ATRX: variants seen among roughly 807,000 people sequenced by gnomAD.
ATRX encodes ATRX chromatin remodeler.
A neutral mutation model predicts 172.6 loss-of-function variants in ATRX; 12 were observed. That is an observed-to-expected ratio of 0.07 (90% CI 0.04 to 0.11). The LOEUF (loss-of-function observed/expected upper bound fraction) is 0.11, where lower values mean the gene tolerates loss of function less well. Ranked by LOEUF, ATRX falls within the 10% of genes least tolerant of loss-of-function variation. The pLI is 1.00. For missense variants in ATRX, 1,368 were observed against 1,767.4 expected, an observed-to-expected ratio of 0.77 and a Z score of 4.05; for synonymous variants, 674 against 594.7, an observed-to-expected ratio of 1.13 and a Z score of -1.94.
intron 15 of ATRX, among the ~76,000 whole-genome samples, chrX:77,651,262 C>T (rs1437387834): frequency 5.6e-5 from 5 of 89,397 alleles, no homozygotes; most frequent in Non-Finnish European, 8.6e-5. Context: ...AAACAAGACT[C>T]GTCCTGTGTT....
chrX:77,666,658 G>A (rs974647246), intron 10 of ATRX, among the ~76,000 whole-genome samples: 1 of 112,110 alleles, frequency 8.9e-6, no homozygotes, highest in Admixed American at 9.4e-5. Context: ...TCAGGTGTAC[G>A]AGACTAGCCT....
At chrX:77,700,511 A>G (rs1470742330) in intron 2 of ATRX, among the ~76,000 whole-genome samples, 1 of 112,365 alleles carries the variant, frequency 8.9e-6, no homozygotes. Flanking sequence ...GAAAACATAC[A>G]TCCACAAAAT....
In ATRX at chrX:77,507,161, A is replaced by T. The variant is rs1157951762; in HGVS notation, c.*1190T>A. On this transcript the variant is annotated 3_prime_UTR_variant, in exon 35 of 35. Transcript: ENST00000373344. ...GTATTGGATGAATTAATTTTGATTT[A>T]ATAATTGCCTCACAATCTAAACTAA... 17 of 172,989 alleles carry T rather than the reference A, an allele frequency of 9.8e-5. No individual in the cohort carries two copies. The East Asian group carries it at 1.4e-3, about 14-fold the overall frequency. The allele number at this position is 172,989 out of a possible 1,213,427, so 14.3% of individuals were successfully genotyped here.
chrX:77,684,223 C>A lies in ATRX; in HGVS notation c.1033G>T (p.Ala345Ser), dbSNP rs149249195. Residue 345 changes from alanine to serine, a missense_variant, in exon 9 of 35, where the codon GCA becomes TCA. Physicochemically the swap from Ala to Ser is moderately conservative, Grantham distance 99 (BLOSUM62 1). This residue lies in a region of ATRX where 843 missense variants were observed against 643.1 expected (regional missense o/e 1.31). Transcript: ENST00000373344. Reference sequence around the variant, plus strand: ...ATCATCTCTTTGGGCACAATTAGTGCGGAATAAGAGTAGGTTACAGAGCCA... The same window carrying A: ...ATCATCTCTTTGGGCACAATTAGTGAGGAATAAGAGTAGGTTACAGAGCCA... ...CSGSVTYSYS[A>S]LIVPKEMIKK... 1 of 1,210,827 alleles carries A rather than the reference C, an allele frequency of 8.3e-7. No homozygotes were observed. The highest frequency in any genetic ancestry group is 1.1e-6 in the Non-Finnish European group (1 of 895,139).
intron 1 of ATRX, among the ~76,000 whole-genome samples, chrX:77,734,377 C>T (rs1407940460): frequency 9.1e-6 from 1 of 110,065 alleles, no homozygotes; most frequent in Non-Finnish European, 1.9e-5. Context: ...TAGATCACAC[C>T]ACTGCACGCC....
At chrX:77,722,358 A>G (rs1274176736) in intron 1 of ATRX, among the ~76,000 whole-genome samples, 1 of 109,253 alleles carries the variant, frequency 9.2e-6, no homozygotes, top group Non-Finnish European at 1.9e-5. Context: ...CCTTCTGCAC[A>G]GCAAAAAAAA....
At chrX:77,646,265 A>G (rs782220377) in intron 15 of ATRX, among the ~76,000 whole-genome samples, 1 of 112,076 alleles carries the variant, frequency 8.9e-6, no homozygotes, top group African/African-American at 3.2e-5. Flanking sequence ...GTGAAAGAAT[A>G]GTAAAAGACA....
intron 23 of ATRX, 55 bp downstream of exon 23, chrX:77,600,379 G>C (rs2066631107): frequency 8.4e-7 from 1 of 1,192,015 alleles, no homozygotes. Flanking sequence ...TCAATTTTTT[G>C]TCTAAGTTTA....
chrX:77,634,942 G>A (rs2068273616), intron 16 of ATRX, among the ~76,000 whole-genome samples: 1 of 111,983 alleles, frequency 8.9e-6, no homozygotes, highest in Middle Eastern at 4.2e-3. Flanking sequence ...CACAGTAGAT[G>A]TTCTGTATTC....
At chrX:77,715,647 C>T (rs782269785) in intron 2 of ATRX, among the ~76,000 whole-genome samples, 5 of 111,490 alleles carry the variant, frequency 4.5e-5, no homozygotes, top group Middle Eastern at 4.7e-3. Flanking sequence ...ATTTTTCTCT[C>T]GGTTTATGTT....
At chrX:77,734,494 A>G (rs1557177806) in intron 1 of ATRX, among the ~76,000 whole-genome samples, 1 of 111,823 alleles carries the variant, frequency 8.9e-6, no homozygotes, top group African/African-American at 3.2e-5. Flanking sequence ...GAAGAATGAA[A>G]CTAGACTCCA....
At chrX:77,554,988 G>A (rs1557058228) in intron 30 of ATRX, among the ~76,000 whole-genome samples, 1 of 111,669 alleles carries the variant, frequency 9.0e-6, no homozygotes, top group Non-Finnish European at 1.9e-5. Flanking sequence ...TTATGTTGAA[G>A]TCCAATACAT....
intron 34 of ATRX, among the ~76,000 whole-genome samples, chrX:77,518,126 CTT>C (rs2063114803): frequency 8.9e-6 from 1 of 111,994 alleles, no homozygotes; most frequent in Admixed American, 9.5e-5. Flanking sequence ...AGGATGCCAG[CTT>C]TTACCACTGT....
chrX:77,544,207 T>C (rs900049885), intron 30 of ATRX, among the ~76,000 whole-genome samples: 2 of 111,077 alleles, frequency 1.8e-5, no homozygotes, highest in Admixed American at 9.6e-5. Context: ...ATCTAGCGGA[T>C]GGGTATATGA....
rs1396656025 is a variant in ATRX, at chrX:77,767,233, T to TGGGGAGAG, written c.20+18741_20+18748dup. ...TGGAAAGAGAGGGAGAGGGAGACCG[T>TGGGGAGAG]GGGGAGAGGGAGAGAGGGAGAGAGG... is the stretch of plus-strand genomic sequence containing the variant. On this transcript the variant is annotated intron_variant, in intron 1 of 34. Transcript: ENST00000373344. 1.8e-3 allele frequency among the ~76,000 whole-genome samples: 116 copies of TGGGGAGAG among 65,424 alleles called. 3 individuals carry two copies. Among genetic ancestry groups the TGGGGAGAG allele is most frequent in the Non-Finnish European group, 2.1e-3 (70 of 32,655 alleles). 56.8% of individuals were successfully genotyped at this position (65,424 alleles called of 115,157 possible).
intron 15 of ATRX, among the ~76,000 whole-genome samples, chrX:77,637,802 C>G (rs782098183): frequency 1.6e-4 from 17 of 107,278 alleles, no homozygotes; most frequent in Non-Finnish European, 2.5e-4. Flanking sequence ...ATTAGCCAGG[C>G]TGGTGGCGGG....
chrX:77,617,636 C>T (rs782469997), intron 21 of ATRX, among the ~76,000 whole-genome samples: 1 of 111,492 alleles, frequency 9.0e-6, no homozygotes, highest in East Asian at 2.8e-4. Flanking sequence ...TTGCTATACT[C>T]TATTGTTTAG....
chrX:77,667,295 A>ATGTGTGTGTGTGTGTG (rs782297684), intron 10 of ATRX, among the ~76,000 whole-genome samples: 34 of 89,062 alleles, frequency 3.8e-4, no homozygotes, highest in Middle Eastern at 5.6e-3. Context: ...ACGAATAAAT[A>ATGTGTGTGTGTGTGTG]TGTGTGTGTG....
intron 15 of ATRX, among the ~76,000 whole-genome samples, chrX:77,644,162 G>A (rs782788820): frequency 2.8e-4 from 31 of 111,782 alleles, no homozygotes; most frequent in Admixed American, 4.7e-4. Flanking sequence ...GGCTGGTCTC[G>A]AACTCCTGAA....
Sources: allele counts gnomAD v4.1 joint callset (sites outside exome capture counted in the v4.1 genomes callset), GRCh38; gene constraint gnomAD v4.1.1; regional missense constraint gnomAD v4.1.1; transcripts MANE v1.5; gene names NCBI Gene and HGNC (gene_info 2026-07-23, HGNC 2026-07-21).